Variants in WWOX observed in about 807,000 individuals in gnomAD.
WWOX encodes WW domain containing oxidoreductase, also known as WW domain-containing oxidoreductase.
Under a neutral mutation model 46.2 loss-of-function variants are expected in WWOX, and 69 were observed. That is an observed-to-expected ratio of 1.49 (90% CI 1.23 to 1.82). The LOEUF (loss-of-function observed/expected upper bound fraction) is 1.82. Ranked by LOEUF, WWOX falls within the 40% of genes most tolerant of loss-of-function variation. The pLI, the probability that WWOX is intolerant of heterozygous loss-of-function variation, is 0.00. For synonymous variants in WWOX, 359 were observed against 202.6 expected, an observed-to-expected ratio of 1.77 and a Z score of -6.56; for missense variants, 919 against 542.6, an observed-to-expected ratio of 1.69 and a Z score of -6.89.
chr16:78,447,701 C>T (rs1320032717), intron 8 of WWOX, among the ~76,000 whole-genome samples: 1 of 152,172 alleles, frequency 6.6e-6, no homozygotes, highest in Non-Finnish European at 1.5e-5. Context: ...TTTCACAAAC[C>T]TCTACAGCTG....
intron 8 of WWOX, among the ~76,000 whole-genome samples, chr16:78,648,662 G>T (rs1249495418): frequency 1.3e-5 from 2 of 152,138 alleles, no homozygotes; most frequent in Non-Finnish European, 2.9e-5. Flanking sequence ...AGGATGTCCT[G>T]GTCTAGGGAG....
rs766928939 is a variant in WWOX at position 78,342,284 on chromosome 16, G to A, written c.517-44576G>A. Among the ~76,000 whole-genome samples, 62 of 120,622 alleles carry A rather than the reference G, an allele frequency of 5.1e-4. 19 individuals carry two copies. Among genetic ancestry groups the A allele is most frequent in the South Asian group, 1.2e-3 (5 of 4,056 alleles). The allele number at this position is 120,622 out of a possible 152,430, so 79.1% of individuals were successfully genotyped here. Reference sequence around the variant, plus strand: ...GTCTCATTATCTTCATACAACAAACGCTGATTTGTTCCTTTCATTACATAT... The same window carrying A: ...GTCTCATTATCTTCATACAACAAACACTGATTTGTTCCTTTCATTACATAT... On this transcript the variant is annotated intron_variant, in intron 5 of 8. Coordinates refer to ENST00000566780, the MANE Select transcript of WWOX (RefSeq NM_016373.4).
intron 5 of WWOX, among the ~76,000 whole-genome samples, chr16:78,281,286 T>G (rs933409290): frequency 1.3e-5 from 2 of 152,168 alleles, no homozygotes; most frequent in Non-Finnish European, 2.9e-5. Flanking sequence ...TACCTCCCAT[T>G]ACGGACATGT....
At chr16:78,827,022 C>T (rs190898687) in intron 8 of WWOX, among the ~76,000 whole-genome samples, 182 of 152,262 alleles carry the variant, frequency 1.2e-3, no homozygotes, top group Admixed American at 2.1e-3. Flanking sequence ...TGTCGCTTTC[C>T]TGCCCCCACA....
intron 8 of WWOX, among the ~76,000 whole-genome samples, chr16:78,475,589 G>T (rs2137091): frequency 0.31 from 47,446 of 151,822 alleles, 9,013 homozygotes; most frequent in African/African-American, 0.55. Context: ...TACTTTTTTA[G>T]TTTATATTTT....
chr16:78,291,078 C>G (rs983331095), intron 5 of WWOX, among the ~76,000 whole-genome samples: 24 of 152,178 alleles, frequency 1.6e-4, no homozygotes, highest in Admixed American at 1.4e-3. Flanking sequence ...TGCACTTTCT[C>G]TCTCTCTTTC....
intron 8 of WWOX, among the ~76,000 whole-genome samples, chr16:78,725,334 C>CTTTT (rs1567517488): frequency 1.1e-5 from 1 of 94,086 alleles, no homozygotes; most frequent in Non-Finnish European, 2.1e-5. Flanking sequence ...TTTTTCTTTT[C>CTTTT]TTTTCTTTTC....
chr16:78,875,133 C>G (rs549476581), intron 8 of WWOX, among the ~76,000 whole-genome samples: 2 of 152,208 alleles, frequency 1.3e-5, no homozygotes, highest in Non-Finnish European at 1.5e-5. Context: ...GGCTGACTCT[C>G]TACTTCATGG....
rs1477076512 is a variant in WWOX at position 78,859,000 on chromosome 16, TTAAAAAAAAAAAAA to T, written c.1057-352607_1057-352594del. On this transcript the variant is annotated intron_variant, in intron 8 of 8. Coordinates refer to ENST00000566780, the MANE Select transcript of WWOX (RefSeq NM_016373.4). The stretch of plus-strand genomic sequence containing the variant: ...GGCCAATATCTACTAGTTTTGAAAT[TTAAAAAAAAAAAAA>T]AAAAAAAAAAAAAATATATATATAT... Among the ~76,000 whole-genome samples the T allele has an allele frequency of 7.1e-4, 57 of 79,864 alleles. 4 individuals carry two copies. The highest frequency in any genetic ancestry group is 1.8e-3 in the African/African-American group (31 of 17,088). The allele number at this position is 79,864 out of a possible 152,430, so 52.4% of individuals were successfully genotyped here.
At chr16:78,884,799 A>G (rs954331309) in intron 8 of WWOX, among the ~76,000 whole-genome samples, 4 of 152,320 alleles carry the variant, frequency 2.6e-5, no homozygotes, top group Admixed American at 1.3e-4. Context: ...ATTTTTTTGC[A>G]TGTATATTTT....
At chr16:78,584,666 G>C (rs1262971638) in intron 8 of WWOX, among the ~76,000 whole-genome samples, 21 of 152,188 alleles carry the variant, frequency 1.4e-4, no homozygotes, top group Non-Finnish European at 2.9e-5. Context: ...GTGTAAACGT[G>C]AAAAGCAGGC....
chr16:78,197,868 C>T (rs2036104600), intron 5 of WWOX, among the ~76,000 whole-genome samples: 1 of 152,174 alleles, frequency 6.6e-6, no homozygotes, highest in Non-Finnish European at 1.5e-5. Flanking sequence ...ACAGAGCCCC[C>T]ATATGTTTTA....
chr16:79,057,956 G>A (rs1312990955), intron 8 of WWOX, among the ~76,000 whole-genome samples: 5 of 151,970 alleles, frequency 3.3e-5, no homozygotes, highest in Non-Finnish European at 5.9e-5. Flanking sequence ...CATTCAAATC[G>A]CTGTTTGCTT....
At chr16:79,070,147 A>C (rs1012456208) in intron 8 of WWOX, among the ~76,000 whole-genome samples, 2 of 152,210 alleles carry the variant, frequency 1.3e-5, no homozygotes, top group East Asian at 3.9e-4. Context: ...CTATTTCCCT[A>C]ATACCAAGGC....
intron 8 of WWOX, among the ~76,000 whole-genome samples, chr16:78,964,134 C>T (rs2046322716): frequency 6.6e-6 from 1 of 152,084 alleles, no homozygotes. Flanking sequence ...TGAATTGGTA[C>T]CAGTAGAGTG....
intron 5 of WWOX, among the ~76,000 whole-genome samples, chr16:78,328,527 G>C (rs1567504065): frequency 6.6e-6 from 1 of 152,194 alleles, no homozygotes. Context: ...TAAGAATGCT[G>C]CAAAGGGTTA....
At chr16:78,813,089 T>C (rs2051233335) in intron 8 of WWOX, among the ~76,000 whole-genome samples, 1 of 152,064 alleles carries the variant, frequency 6.6e-6, no homozygotes, top group South Asian at 2.1e-4. Context: ...TGTTTTCTTT[T>C]TTTTTTTTTC....
At chr16:78,199,587 G>T (rs2036167389) in intron 5 of WWOX, among the ~76,000 whole-genome samples, 1 of 152,070 alleles carries the variant, frequency 6.6e-6, no homozygotes. Context: ...CTAGCACTGT[G>T]GCATGCCATT....
intron 8 of WWOX, among the ~76,000 whole-genome samples, chr16:78,879,044 A>T (rs1021325288): frequency 6.6e-6 from 1 of 152,116 alleles, no homozygotes; most frequent in Non-Finnish European, 1.5e-5. Context: ...TTCACCCTGG[A>T]TCTGGAAGGA....
Sources: gnomAD v4.1 joint callset for allele counts (sites outside exome capture counted in the v4.1 genomes callset) on GRCh38, gnomAD v4.1.1 for gene constraint, MANE v1.5 for transcripts, NCBI Gene and HGNC (gene_info 2026-07-23, HGNC 2026-07-21) for gene names.